The following EPB41L3 variants were observed in gnomAD, a reference collection of about 807,000 sequenced individuals.
EPB41L3 encodes band 4.1-like protein 3.
In EPB41L3, 57 loss-of-function variants were observed where a neutral mutation model predicts 127.1. That is an observed-to-expected ratio of 0.45 (90% CI 0.36 to 0.56). The LOEUF (loss-of-function observed/expected upper bound fraction) is 0.56. Among genes scored for constraint, EPB41L3 ranks in the 20% least tolerant of loss-of-function variants. The pLI is 0.00. For synonymous variants in EPB41L3, 572 were observed against 549.5 expected, an observed-to-expected ratio of 1.04 and a Z score of -0.57; for missense variants, 1,273 against 1,372.2, an observed-to-expected ratio of 0.93 and a Z score of 1.14.
At chr18:5,559,559 C>T (rs558899626) in intron 3 of EPB41L3, among the ~76,000 whole-genome samples, 2 of 152,252 alleles carry the variant, frequency 1.3e-5, no homozygotes, top group South Asian at 4.2e-4. Context: ...GGCTCTTATC[C>T]AATCACCTTG....
intron 1 of EPB41L3, among the ~76,000 whole-genome samples, chr18:5,538,345 A>C (rs990126872): frequency 2.6e-5 from 4 of 152,246 alleles, no homozygotes; most frequent in African/African-American, 9.6e-5. Flanking sequence ...TCTCCAATCC[A>C]CTAACATCCA....
intron 3 of EPB41L3, among the ~76,000 whole-genome samples, chr18:5,552,095 C>A (rs542169797): frequency 4.9e-4 from 75 of 152,240 alleles, no homozygotes; most frequent in African/African-American, 1.7e-3. Context: ...TAAAAAATTA[C>A]CTGAAGTCCT....
intron 3 of EPB41L3, among the ~76,000 whole-genome samples, chr18:5,457,869 C>T (rs976507739): frequency 6.6e-6 from 1 of 152,162 alleles, no homozygotes. Flanking sequence ...GACTAGGTTA[C>T]ATCTCAGGGA....
intron 8 of EPB41L3, among the ~76,000 whole-genome samples, chr18:5,431,999 C>A (rs554600500): frequency 1.3e-5 from 2 of 152,314 alleles, no homozygotes; most frequent in East Asian, 3.9e-4. Flanking sequence ...AACATAACAG[C>A]ACATCCCTGG....
At chr18:5,436,668 A>G (rs1350335285) in intron 6 of EPB41L3, among the ~76,000 whole-genome samples, 3 of 152,094 alleles carry the variant, frequency 2.0e-5, no homozygotes, top group Non-Finnish European at 4.4e-5. Flanking sequence ...TCGGCCTCCC[A>G]AAGTGCTGGG....
intron 3 of EPB41L3, among the ~76,000 whole-genome samples, chr18:5,598,652 T>C (rs1389926125): frequency 6.6e-6 from 1 of 152,200 alleles, no homozygotes; most frequent in African/African-American, 2.4e-5. Context: ...CATTAGATAA[T>C]ACTCCATGGT....
At chr18:5,541,741 A>G (rs933890843) in intron 1 of EPB41L3, among the ~76,000 whole-genome samples, 1 of 152,256 alleles carries the variant, frequency 6.6e-6, no homozygotes, top group African/African-American at 2.4e-5. Flanking sequence ...GCATTCATGC[A>G]GAAGAAATGT....
intron 1 of EPB41L3, chr18:5,628,826 G>A (rs1365992746): frequency 6.6e-6 from 1 of 151,426 alleles, no homozygotes; most frequent in East Asian, 1.9e-4. Flanking sequence ...CGGGTGCCCC[G>A]AGCCCGCCGC....
chr18:5,566,993 A>G (rs1425276482), intron 3 of EPB41L3: 1 of 152,060 alleles, frequency 6.6e-6, no homozygotes, highest in Non-Finnish European at 1.5e-5. Context: ...TTTAGTAGAC[A>G]CAGGGTTTCG....
intron 3 of EPB41L3, among the ~76,000 whole-genome samples, chr18:5,600,335 T>C (rs1045029165): frequency 6.6e-6 from 1 of 152,150 alleles, no homozygotes; most frequent in Non-Finnish European, 1.5e-5. Context: ...TTTGGACACA[T>C]AAGAGATGTA....
At chr18:5,483,413 A>G (rs1162784508) in intron 2 of EPB41L3, among the ~76,000 whole-genome samples, 1 of 152,202 alleles carries the variant, frequency 6.6e-6, no homozygotes, top group Non-Finnish European at 1.5e-5. Flanking sequence ...CCACAAAGGA[A>G]AACCATGTAA....
intron 1 of EPB41L3, among the ~76,000 whole-genome samples, chr18:5,522,537 T>C (rs1290758881): frequency 1.3e-5 from 2 of 152,196 alleles, no homozygotes; most frequent in Non-Finnish European, 2.9e-5. Context: ...GGCATCCCAA[T>C]AGAGTATCTC....
At chr18:5,414,023 G>A (rs913047505) in intron 13 of EPB41L3, among the ~76,000 whole-genome samples, 3 of 152,178 alleles carry the variant, frequency 2.0e-5, no homozygotes, top group African/African-American at 7.2e-5. Flanking sequence ...CTATATAAAA[G>A]TTGAAATATT....
intron 12 of EPB41L3, among the ~76,000 whole-genome samples, chr18:5,418,943 G>C (rs998535392): frequency 2.0e-5 from 3 of 152,116 alleles, no homozygotes; most frequent in Non-Finnish European, 2.9e-5. Flanking sequence ...TCTATGCTCT[G>C]TACAGGCCAG....
Position 5,540,419 on chromosome 18 carries a change from T to C in EPB41L3, c.-12+3494A>G, listed in dbSNP as rs80094659. ...TTTAAAGCCAGCAAGATGCTTCAGA[T>C]GGTCTGGTTTTGCCTGCCCCACCCT... is the stretch of plus-strand genomic sequence containing the variant. On this transcript the variant is annotated intron_variant, in intron 1 of 22. Coordinates refer to ENST00000341928, the MANE Select transcript of EPB41L3 (RefSeq NM_012307.5). The C allele has an allele frequency of 2.1e-4, 208 of 985,466 alleles. 2 individuals carry two copies. In the East Asian group the frequency reaches 0.018, roughly 86 times the overall value. The allele number at this position is 985,466 out of a possible 1,614,324, so 61.0% of individuals were successfully genotyped here.
At chr18:5,502,059 C>T (rs1338391655) in intron 1 of EPB41L3, among the ~76,000 whole-genome samples, 1 of 152,112 alleles carries the variant, frequency 6.6e-6, no homozygotes, top group African/African-American at 2.4e-5. Flanking sequence ...CTGCCTCCTG[C>T]CTCCTGCCTC....
intron 3 of EPB41L3, among the ~76,000 whole-genome samples, chr18:5,586,044 G>T (rs2094439081): frequency 6.6e-6 from 1 of 152,086 alleles, no homozygotes; most frequent in Non-Finnish European, 1.5e-5. Context: ...AGCCCTTGGG[G>T]CTCAACACCA....
At chr18:5,495,498 A>G (rs2091074724) in intron 1 of EPB41L3, among the ~76,000 whole-genome samples, 1 of 152,088 alleles carries the variant, frequency 6.6e-6, no homozygotes, top group Non-Finnish European at 1.5e-5. Context: ...TCAAGAAGCA[A>G]GCCAAGCACC....
At chr18:5,592,822 G>A (rs973932126) in intron 3 of EPB41L3, among the ~76,000 whole-genome samples, 13 of 152,212 alleles carry the variant, frequency 8.5e-5, no homozygotes, top group Non-Finnish European at 1.8e-4. Flanking sequence ...GGCCTGGAAA[G>A]TCAGATCTCT....
Sources: allele counts gnomAD v4.1 joint callset (sites outside exome capture counted in the v4.1 genomes callset), GRCh38; gene constraint gnomAD v4.1.1; transcripts MANE v1.5; gene names NCBI Gene and HGNC (gene_info 2026-07-23, HGNC 2026-07-21).